Variants in TENM4 observed in about 807,000 individuals in gnomAD.
TENM4 encodes teneurin-4.
In TENM4, 82 loss-of-function variants were observed where a neutral mutation model predicts 243.3. The ratio of observed to expected loss-of-function variants is 0.34; its 90% confidence interval spans 0.28 to 0.40. TENM4 has a LOEUF of 0.40. Among genes scored for constraint, TENM4 ranks in the 10% least tolerant of loss-of-function variants. TENM4 has a pLI of 1.00. For missense variants in TENM4, 3,138 were observed against 3,673.3 expected (o/e 0.85, Z 3.77); for synonymous variants, 1,412 against 1,456.3 (o/e 0.97, Z 0.69).
At chr11:79,040,637 T>C (rs765003985) in intron 6 of TENM4, among the ~76,000 whole-genome samples, 2 of 152,176 alleles carry the variant, frequency 1.3e-5, no homozygotes, top group Non-Finnish European at 1.5e-5. Context: ...AAGTTTTCCA[T>C]CTTGGCCAGC....
At chr11:78,739,105 C>A (rs1430632903) in intron 19 of TENM4, among the ~76,000 whole-genome samples, 1 of 152,124 alleles carries the variant, frequency 6.6e-6, no homozygotes, top group Non-Finnish European at 1.5e-5. Flanking sequence ...TACTTCCTTT[C>A]ATCTGACATT....
chr11:79,091,095 C>T (rs928069560), intron 4 of TENM4, among the ~76,000 whole-genome samples: 3 of 152,152 alleles, frequency 2.0e-5, no homozygotes, highest in African/African-American at 2.4e-5. Flanking sequence ...CTCTTACTCC[C>T]GGTCCAGCCT....
chr11:78,835,672 C>A (rs944988457), intron 12 of TENM4, among the ~76,000 whole-genome samples: 1 of 152,224 alleles, frequency 6.6e-6, no homozygotes, highest in South Asian at 2.1e-4. Context: ...CCCTTCTCAC[C>A]TAGCTCTCTC....
At chr11:78,967,786 C>T (rs1380804532) in intron 6 of TENM4, among the ~76,000 whole-genome samples, 3 of 152,154 alleles carry the variant, frequency 2.0e-5, no homozygotes, top group African/African-American at 7.2e-5. Flanking sequence ...AATGAAACTC[C>T]TCACACCCGA....
At chr11:78,819,331 T>C (rs925702407) in intron 12 of TENM4, among the ~76,000 whole-genome samples, 6 of 152,168 alleles carry the variant, frequency 3.9e-5, no homozygotes, top group African/African-American at 1.4e-4. Flanking sequence ...GAGTCCAGGG[T>C]TGATGTTGAG....
In TENM4 at chr11:78,891,210, C is replaced by CA. The variant is rs1390929536; in HGVS notation, c.848+27dup. ...GCAGGAGCCACAAGGAGAGCACACA[C>CA]AGAGAGGAGAATGGGGATGTCACCT... On this transcript the variant is annotated intron_variant, in intron 8 of 33. Coordinates refer to ENST00000278550, the MANE Select transcript of TENM4 (RefSeq NM_001098816.3). The CA allele has an allele frequency of 3.2e-6, 5 of 1,548,498 alleles. No homozygotes were observed. The East Asian group carries it at 9.8e-5, about 30-fold the overall frequency.
intron 1 of TENM4, among the ~76,000 whole-genome samples, chr11:79,336,556 C>A (rs576632321): frequency 1.3e-5 from 2 of 152,142 alleles, no homozygotes; most frequent in South Asian, 2.1e-4. Flanking sequence ...AATAAGGAAT[C>A]TAGAGAGCCA....
chr11:78,743,993 TG>T (rs1855990297), intron 19 of TENM4, among the ~76,000 whole-genome samples: 1 of 152,250 alleles, frequency 6.6e-6, no homozygotes, highest in Admixed American at 6.5e-5. Flanking sequence ...CTTTGCATTG[TG>T]TATTTTAAAC....
rs1278429547 is a variant in TENM4 at position 78,672,080 on chromosome 11, T to G, written c.5746A>C (p.Arg1916=). The G allele has an allele frequency of 1.2e-6, 2 of 1,613,896 alleles. No individual in the cohort carries two copies. The highest frequency in any genetic ancestry group is 2.7e-5 in the African/African-American group (2 of 74,938). Residue 1916 remains arginine (R), a synonymous_variant, in exon 31 of 34, where the codon AGG becomes CGG. Transcript: ENST00000278550. ...EYDQAGRITS[R]IFADGKTWSY... Reference sequence around the variant, plus strand: ...CATGTCTTCCCATCAGCGAAGATCCTGGATGTGATGCGGCCCGCCTGGTCG... The same window carrying G: ...CATGTCTTCCCATCAGCGAAGATCCGGGATGTGATGCGGCCCGCCTGGTCG...
chr11:78,948,939 G>A (rs1481047171), intron 6 of TENM4, among the ~76,000 whole-genome samples: 2 of 152,166 alleles, frequency 1.3e-5, no homozygotes, highest in Non-Finnish European at 2.9e-5. Flanking sequence ...CATGTGTGAT[G>A]AGACGTACAT....
rs182790476 is a variant in TENM4 at position 78,715,945 on chromosome 11, C to G, written c.3822-3231G>C. On this transcript the variant is annotated intron_variant, in intron 25 of 33. Transcript: ENST00000278550. ...AACAGAGCTGCAGAGATGACTACCA[C>G]TGATAAGAATGCATCTGTGACCACC... Among the ~76,000 whole-genome samples the G allele has an allele frequency of 5.8e-4, 88 of 152,332 alleles. 1 individual carries two copies. Among genetic ancestry groups the G allele is most frequent in the African/African-American group, 2.0e-3 (84 of 41,578 alleles).
At chr11:79,368,797 T>C (rs1239844097) in intron 1 of TENM4, among the ~76,000 whole-genome samples, 3 of 152,244 alleles carry the variant, frequency 2.0e-5, no homozygotes, top group Non-Finnish European at 4.4e-5. Context: ...ATCACCATCG[T>C]CATCATTGTT....
intron 6 of TENM4, among the ~76,000 whole-genome samples, chr11:79,051,003 C>CT (rs1239558343): frequency 5.3e-5 from 8 of 152,176 alleles, no homozygotes; most frequent in African/African-American, 1.9e-4. Flanking sequence ...TCAGATAGAC[C>CT]TGGGGTTGAA....
intron 4 of TENM4, among the ~76,000 whole-genome samples, chr11:79,077,272 G>A (rs4945323): frequency 0.33 from 49,874 of 151,996 alleles, 8,654 homozygotes; most frequent in Middle Eastern, 0.43. Context: ...GGAGAGGCAG[G>A]GAAGGACACC....
At chr11:78,720,339 G>A in intron 25 of TENM4, 31 bp downstream of exon 25, 1 of 1,613,436 alleles carries the variant, frequency 6.2e-7, no homozygotes, top group Non-Finnish European at 8.5e-7. Flanking sequence ...AGGCAGGGGT[G>A]AGGCAGGAAA....
chr11:79,274,895 C>T (rs1003052476), intron 2 of TENM4, among the ~76,000 whole-genome samples: 1 of 152,206 alleles, frequency 6.6e-6, no homozygotes, highest in African/African-American at 2.4e-5. Flanking sequence ...GAAGACTTCT[C>T]CCCGGGCCTC....
chr11:79,060,425 A>G (rs1253763360), intron 6 of TENM4, among the ~76,000 whole-genome samples: 1 of 152,260 alleles, frequency 6.6e-6, no homozygotes, highest in Non-Finnish European at 1.5e-5. Context: ...ATGCAGCATC[A>G]GTGTGACCTC....
chr11:79,378,910 GAA>G (rs900729708), intron 1 of TENM4, among the ~76,000 whole-genome samples: 2 of 144,014 alleles, frequency 1.4e-5, no homozygotes, highest in African/African-American at 2.6e-5. Context: ...AAAAAGGAAA[GAA>G]AGAAAATGAG....
chr11:78,686,075 G>A (rs1858661507), intron 29 of TENM4, among the ~76,000 whole-genome samples: 2 of 152,222 alleles, frequency 1.3e-5, no homozygotes, highest in African/African-American at 2.4e-5. Context: ...TGGGTCATAA[G>A]ACGTACTTTC....
Sources: allele counts gnomAD v4.1 joint callset (sites outside exome capture counted in the v4.1 genomes callset), GRCh38; gene constraint gnomAD v4.1.1; transcripts MANE v1.5; gene names NCBI Gene and HGNC (gene_info 2026-07-23, HGNC 2026-07-21).